CSNK1G2: variants seen among roughly 807,000 people sequenced by gnomAD.
The protein encoded by CSNK1G2 is casein kinase I isoform gamma-2.
Under a neutral mutation model 48.0 loss-of-function variants are expected in CSNK1G2, and 11 were observed. The ratio of observed to expected loss-of-function variants is 0.23; its 90% confidence interval spans 0.14 to 0.38. CSNK1G2 has a LOEUF of 0.38. Among genes scored for constraint, CSNK1G2 ranks in the 10% least tolerant of loss-of-function variants. CSNK1G2 has a pLI of 1.00. For missense variants in CSNK1G2, 446 were observed against 595.5 expected (o/e 0.75, Z 2.61); for synonymous variants, 337 against 254.1 (o/e 1.33, Z -3.10).
At chr19:1,949,912 C>G (rs965053308) in intron 1 of CSNK1G2, among the ~76,000 whole-genome samples, 1 of 152,222 alleles carries the variant, frequency 6.6e-6, no homozygotes, top group African/African-American at 2.4e-5. Flanking sequence ...ACTGCCTTGT[C>G]AGGCACAGGG....
chr19:1,978,293 C>G lies in CSNK1G2; in HGVS notation c.188-12C>G. On this transcript the variant is annotated splice_polypyrimidine_tract_variant and intron_variant, in intron 2 of 11. Transcript: ENST00000255641. This position sits in a 1 kb window ranked among gnomAD's most constrained non-coding sequence, Gnocchi z 7.3. ...CCTGCGCTGGCGGTGCTGATGGTCT[C>G]TGTCCCCGCAGGAAAGAATCTCTAT... is the stretch of plus-strand genomic sequence containing the variant. 6.2e-7 allele frequency: 1 copy of G among 1,613,416 alleles called. No homozygotes were observed.
intron 1 of CSNK1G2, among the ~76,000 whole-genome samples, chr19:1,962,157 C>T (rs536135999): frequency 6.6e-6 from 1 of 152,064 alleles, no homozygotes; most frequent in Admixed American, 6.6e-5. Context: ...TGGTGAAACC[C>T]CGTGTCTGCT....
chr19:1,960,281 C>T (rs2015155176), intron 1 of CSNK1G2, among the ~76,000 whole-genome samples: 1 of 152,258 alleles, frequency 6.6e-6, no homozygotes, highest in African/African-American at 2.4e-5. Context: ...CCCTCCCTAC[C>T]CGGCTTCTGC....
In CSNK1G2 at chr19:1,979,243, C is replaced by T. The variant is rs768198173; in HGVS notation, c.763C>T (p.Leu255Phe). The change falls in exon 7 of 12, where the codon CTC becomes TTC. Residue 255 changes from leucine to phenylalanine, a missense_variant. Leu to Phe is a conservative substitution (Grantham distance 22). Coordinates refer to ENST00000255641, the MANE Select transcript of CSNK1G2 (RefSeq NM_001319.7). ...GCGCGGCAGCCTCCCCTGGCAGGGG[C>T]TCAAGGTGGGCGAGGAGGCCGGGCA... Reference protein sequence around the residue: ...FLRGSLPWQGLKADTLKERYQ... With the variant: ...FLRGSLPWQGFKADTLKERYQ... 1 of 1,558,562 alleles carries T rather than the reference C, an allele frequency of 6.4e-7. No homozygotes were observed. Among genetic ancestry groups the T allele is most frequent in the South Asian group, 1.2e-5 (1 of 84,858 alleles).
chr19:1,944,285 C>T (rs567059413), intron 1 of CSNK1G2, among the ~76,000 whole-genome samples: 18 of 152,236 alleles, frequency 1.2e-4, no homozygotes, highest in Non-Finnish European at 1.9e-4. Context: ...TGTGCAAGGC[C>T]GTCTGAGTGA....
At chr19:1,950,249 C>T (rs1049079936) in intron 1 of CSNK1G2, among the ~76,000 whole-genome samples, 2 of 152,070 alleles carry the variant, frequency 1.3e-5, no homozygotes, top group African/African-American at 4.8e-5. Flanking sequence ...ACACCATTCT[C>T]CTGCCTCAGC....
At chr19:1,946,289 T>TTTTATTTATTATTTATTTA (rs1555678392) in intron 1 of CSNK1G2, among the ~76,000 whole-genome samples, 2 of 143,806 alleles carry the variant, frequency 1.4e-5, no homozygotes, top group African/African-American at 2.5e-5. Flanking sequence ...TTTATTTATT[T>TTTTATTTATTATTTATTTA]TTTATTTATT....
rs1418983418 is a variant in CSNK1G2, at chr19:1,957,544, CCTCA to C, written c.-265-11961_-265-11958del. ...ACCTCTCTCTCCACTTCATGTTTGT[CCTCA>C]CTGAGGGAGCCGAGCAGATGCCTTT... On this transcript the variant is annotated intron_variant, in intron 1 of 11. Coordinates refer to ENST00000255641, the MANE Select transcript of CSNK1G2 (RefSeq NM_001319.7). The surrounding 1 kb of genome is among the most constrained non-coding windows in gnomAD (Gnocchi z 5.4). 6.6e-6 allele frequency among the ~76,000 whole-genome samples: 1 copy of C among 152,230 alleles called. No homozygotes were observed. Among genetic ancestry groups the C allele is most frequent in the Non-Finnish European group, 1.5e-5 (1 of 68,036 alleles).
At chr19:1,952,858 C>T (rs753520464) in intron 1 of CSNK1G2, 1 of 403,658 alleles carries the variant, frequency 2.5e-6, no homozygotes, top group Non-Finnish European at 4.9e-6. Flanking sequence ...GCCCTTCACT[C>T]TGCAGCCCTC....
intron 1 of CSNK1G2, among the ~76,000 whole-genome samples, chr19:1,947,511 T>G (rs1676364022): frequency 6.6e-6 from 1 of 152,202 alleles, no homozygotes; most frequent in South Asian, 2.1e-4. Context: ...ATGCCCAGGC[T>G]CTGCCTGGGG....
chr19:1,957,776 C>T lies in CSNK1G2; in HGVS notation c.-265-11732C>T, dbSNP rs1443862037. Among the ~76,000 whole-genome samples the T allele has an allele frequency of 4.8e-5, 7 of 144,880 alleles. No homozygotes were observed. The highest frequency in any genetic ancestry group is 9.2e-5 in the Non-Finnish European group (6 of 65,308). On this transcript the variant is annotated intron_variant, in intron 1 of 11. Transcript: ENST00000255641. The surrounding 1 kb of genome is among the most constrained non-coding windows in gnomAD (Gnocchi z 5.4). The stretch of plus-strand genomic sequence containing the variant: ...CCCTGGAAACACTGGGGTGTGTGCT[C>T]GGTGGGTGCCGTGTGTGGGGGGTAT...
intron 1 of CSNK1G2, among the ~76,000 whole-genome samples, chr19:1,961,682 C>T (rs138184071): frequency 5.9e-4 from 90 of 152,342 alleles, no homozygotes; most frequent in African/African-American, 2.0e-3. Flanking sequence ...GACTACGTCT[C>T]ACAGATCCCT....
chr19:1,978,375 T>A lies in CSNK1G2; in HGVS notation c.228+30T>A. ...GTCGGCCCCTCCACCCCACCCCCGC[T>A]GACGTGCCCCCCAGGGATTTCAGGG... On this transcript the variant is annotated intron_variant, in intron 3 of 11. Coordinates refer to ENST00000255641, the MANE Select transcript of CSNK1G2 (RefSeq NM_001319.7). The surrounding 1 kb of genome is among the most constrained non-coding windows in gnomAD (Gnocchi z 7.3). 1 of 1,605,764 alleles carries A rather than the reference T, an allele frequency of 6.2e-7. No individual in the cohort carries two copies. Among genetic ancestry groups the A allele is most frequent in the Non-Finnish European group, 8.5e-7 (1 of 1,173,228 alleles).
At chr19:1,945,532 C>T (rs1306756272) in intron 1 of CSNK1G2, among the ~76,000 whole-genome samples, 1 of 152,204 alleles carries the variant, frequency 6.6e-6, no homozygotes, top group East Asian at 1.9e-4. Flanking sequence ...TTGAAAACAG[C>T]CAGCTCTGGC....
intron 1 of CSNK1G2, among the ~76,000 whole-genome samples, chr19:1,944,856 G>A (rs945515776): frequency 3.9e-5 from 6 of 152,318 alleles, no homozygotes; most frequent in South Asian, 2.1e-4. Context: ...CCCGTCTGGC[G>A]GGCGGGGCCC....
In CSNK1G2 at chr19:1,978,536, C is replaced by CGGGGGCTGCGCAGGGGCAGGGA; in HGVS notation, c.298+35_299-35dup. ...GGTACCGGGCGGCCCGCGGGTGGGG[C>CGGGGGCTGCGCAGGGGCAGGGA]GGGGGCTGCGCAGGGGCAGGGAGGG... On this transcript the variant is annotated intron_variant, in intron 4 of 11. Coordinates refer to ENST00000255641, the MANE Select transcript of CSNK1G2 (RefSeq NM_001319.7). This position sits in a 1 kb window ranked among gnomAD's most constrained non-coding sequence, Gnocchi z 7.3. 5 of 1,567,876 alleles carry CGGGGGCTGCGCAGGGGCAGGGA rather than the reference C, an allele frequency of 3.2e-6. No homozygotes were observed. Among genetic ancestry groups the CGGGGGCTGCGCAGGGGCAGGGA allele is most frequent in the Non-Finnish European group, 4.3e-6 (5 of 1,157,476 alleles).
intron 1 of CSNK1G2, chr19:1,954,305 G>T: frequency 4.3e-6 from 1 of 233,110 alleles, no homozygotes; most frequent in Non-Finnish European, 9.0e-6. Context: ...GTGTTCGGGG[G>T]CTCTTGGGTC....
Position 1,978,272 on chromosome 19 carries a change from C to G in CSNK1G2, c.188-33C>G, listed in dbSNP as rs740423. 9 of 1,612,040 alleles carry G rather than the reference C, an allele frequency of 5.6e-6. No homozygotes were observed. Among genetic ancestry groups the G allele is most frequent in the East Asian group, 2.2e-5 (1 of 44,860 alleles). ...GGAGGTCGGGGCTAGGTGGGCCCTG[C>G]GCTGGCGGTGCTGATGGTCTCTGTC... is the stretch of plus-strand genomic sequence containing the variant. On this transcript the variant is annotated intron_variant, in intron 2 of 11. Coordinates refer to ENST00000255641, the MANE Select transcript of CSNK1G2 (RefSeq NM_001319.7). The surrounding 1 kb of genome is among the most constrained non-coding windows in gnomAD (Gnocchi z 7.3).
chr19:1,955,201 C>T (rs541971459), intron 1 of CSNK1G2, among the ~76,000 whole-genome samples: 4 of 152,218 alleles, frequency 2.6e-5, no homozygotes, highest in South Asian at 2.1e-4. Context: ...CTTGGAGTGG[C>T]GGCTCTTGTT....
Sources: allele counts gnomAD v4.1 joint callset (sites outside exome capture counted in the v4.1 genomes callset), GRCh38; gene constraint gnomAD v4.1.1; non-coding constraint Gnocchi (gnomAD v3.1); transcripts MANE v1.5; gene names NCBI Gene and HGNC (gene_info 2026-07-23, HGNC 2026-07-21).